The following HIVEP3 variants were observed in gnomAD, a reference collection of about 807,000 sequenced individuals.
HIVEP3 encodes the protein transcription factor HIVEP3.
HIVEP3 carries 49 observed loss-of-function variants against 152.8 expected under a neutral mutation model. The ratio of observed to expected loss-of-function variants is 0.32; its 90% CI spans 0.26 to 0.41. The LOEUF (loss-of-function observed/expected upper bound fraction) is 0.41, where lower values mean the gene tolerates loss of function less well. Among genes scored for constraint, HIVEP3 ranks in the 10% least tolerant of loss-of-function variants. The probability of loss-of-function intolerance (pLI) is 1.00; values close to 1 mark genes in which losing one functional copy is unlikely to be tolerated. For missense variants in HIVEP3, 2,790 were observed against 3,103.3 expected (o/e 0.90, Z 2.40); for synonymous variants, 1,269 against 1,289.0 (o/e 0.98, Z 0.33).
intron 1 of HIVEP3, among the ~76,000 whole-genome samples, chr1:41,951,856 A>C (rs1219339740): frequency 6.6e-6 from 1 of 152,150 alleles, no homozygotes; most frequent in Non-Finnish European, 1.5e-5. Context: ...CTCCCACAAC[A>C]TGTGGGGATT....
At chr1:41,608,647 T>C (rs1032084416) in intron 3 of HIVEP3, among the ~76,000 whole-genome samples, 1 of 152,254 alleles carries the variant, frequency 6.6e-6, no homozygotes, top group African/African-American at 2.4e-5. Flanking sequence ...TGGGCTGCAA[T>C]GTTTTCTGCT....
chr1:41,577,400 C>A (rs906237487), intron 4 of HIVEP3, among the ~76,000 whole-genome samples: 4 of 152,066 alleles, frequency 2.6e-5, no homozygotes, highest in East Asian at 3.9e-4. Flanking sequence ...GGTCACATAG[C>A]CAGTAGGTAA....
At chr1:41,659,993 T>C (rs1645688222) in intron 2 of HIVEP3, among the ~76,000 whole-genome samples, 2 of 152,190 alleles carry the variant, frequency 1.3e-5, no homozygotes, top group African/African-American at 2.4e-5. Flanking sequence ...TGTGTGAGTA[T>C]GAACAAGTAT....
chr1:41,879,500 G>C (rs1027609358), intron 1 of HIVEP3, among the ~76,000 whole-genome samples: 1 of 152,148 alleles, frequency 6.6e-6, no homozygotes, highest in African/African-American at 2.4e-5. Context: ...TTTCCTTATT[G>C]AAGCCAATTA....
intron 1 of HIVEP3, among the ~76,000 whole-genome samples, chr1:41,716,505 G>A (rs1277659003): frequency 6.6e-6 from 1 of 152,206 alleles, no homozygotes; most frequent in Non-Finnish European, 1.5e-5. Flanking sequence ...AGAAGTGGAA[G>A]AGTCCAGAAG....
chr1:41,977,127 G>A (rs1033496640), intron 1 of HIVEP3, among the ~76,000 whole-genome samples: 2 of 152,178 alleles, frequency 1.3e-5, no homozygotes, highest in Non-Finnish European at 2.9e-5. Context: ...TGGGGAGAAT[G>A]AGTTGGGGCC....
At chr1:41,907,386 T>C (rs1570784886) in intron 1 of HIVEP3, among the ~76,000 whole-genome samples, 1 of 152,246 alleles carries the variant, frequency 6.6e-6, no homozygotes, top group East Asian at 1.9e-4. Flanking sequence ...TCTTACCACC[T>C]TGAACTCTGG....
At chr1:41,529,990 A>G (rs1473211360) in intron 5 of HIVEP3, among the ~76,000 whole-genome samples, 2 of 124,168 alleles carry the variant, frequency 1.6e-5, no homozygotes, top group Non-Finnish European at 3.3e-5. Context: ...CCATGCACAC[A>G]CACCACACAC....
intron 2 of HIVEP3, among the ~76,000 whole-genome samples, chr1:41,684,626 C>A (rs1300779907): frequency 6.6e-6 from 1 of 152,204 alleles, no homozygotes; most frequent in African/African-American, 2.4e-5. Flanking sequence ...GCCATGGGTG[C>A]TTTGATCAAC....
At chr1:41,546,543 T>C (rs1295897434) in intron 5 of HIVEP3, among the ~76,000 whole-genome samples, 1 of 152,226 alleles carries the variant, frequency 6.6e-6, no homozygotes, top group Non-Finnish European at 1.5e-5. Context: ...GCTCATCTCC[T>C]GAAGCTGTGA....
chr1:41,958,108 G>C (rs1232403464), intron 1 of HIVEP3, among the ~76,000 whole-genome samples: 1 of 152,152 alleles, frequency 6.6e-6, no homozygotes, highest in African/African-American at 2.4e-5. Context: ...CTATAAAATG[G>C]GTAGCAGAAA....
intron 5 of HIVEP3, among the ~76,000 whole-genome samples, chr1:41,557,817 G>T (rs189221346): frequency 6.6e-6 from 1 of 152,176 alleles, no homozygotes; most frequent in African/African-American, 2.4e-5. Flanking sequence ...TTGTTTCAAC[G>T]GTGACCCCAG....
chr1:41,790,290 C>T (rs922803821), intron 1 of HIVEP3, among the ~76,000 whole-genome samples: 2 of 152,284 alleles, frequency 1.3e-5, no homozygotes, highest in African/African-American at 4.8e-5. Context: ...CTTGCTCCCT[C>T]TCACACCATG....
At chr1:41,930,659 G>A (rs1644992093) in intron 1 of HIVEP3, among the ~76,000 whole-genome samples, 1 of 152,100 alleles carries the variant, frequency 6.6e-6, no homozygotes, top group Admixed American at 6.6e-5. Context: ...CATATAATAA[G>A]TATATCTTTA....
At chr1:41,609,062 T>TAA (rs34046231) in intron 3 of HIVEP3, among the ~76,000 whole-genome samples, 7 of 142,032 alleles carry the variant, frequency 4.9e-5, no homozygotes, top group Admixed American at 2.1e-4. Flanking sequence ...TCCGTCTCAA[T>TAA]AAAAAAAAAA....
chr1:41,998,005 A>G (rs538327398), intron 1 of HIVEP3, among the ~76,000 whole-genome samples: 3 of 152,204 alleles, frequency 2.0e-5, no homozygotes, highest in East Asian at 1.9e-4. Flanking sequence ...ACTACCTGTT[A>G]TATCAGTTTA....
At chr1:41,790,379 C>T (rs1277509402) in intron 1 of HIVEP3, among the ~76,000 whole-genome samples, 1 of 152,188 alleles carries the variant, frequency 6.6e-6, no homozygotes, top group African/African-American at 2.4e-5. Flanking sequence ...GTAGCCAGTG[C>T]TAGTACCATG....
At chr1:41,721,725 G>A (rs560455352) in intron 1 of HIVEP3, among the ~76,000 whole-genome samples, 1 of 152,328 alleles carries the variant, frequency 6.6e-6, no homozygotes, top group South Asian at 2.1e-4. Context: ...GGAGGAAACT[G>A]AGGCATAGAG....
intron 1 of HIVEP3, among the ~76,000 whole-genome samples, chr1:41,782,976 C>T (rs1412796604): frequency 1.3e-5 from 2 of 152,152 alleles, no homozygotes; most frequent in African/African-American, 4.8e-5. Flanking sequence ...TTCAGATCAG[C>T]AGCGGGGCTT....
Sources: gnomAD v4.1 joint callset for allele counts (sites outside exome capture counted in the v4.1 genomes callset) on GRCh38, gnomAD v4.1.1 for gene constraint, MANE v1.5 for transcripts, NCBI Gene and HGNC (gene_info 2026-07-23, HGNC 2026-07-21) for gene names.